CNKSR2: variants seen among roughly 807,000 people sequenced by gnomAD.
CNKSR2 encodes connector enhancer of kinase suppressor of Ras 2.
In CNKSR2, 14 loss-of-function variants were observed where a neutral mutation model predicts 84.4. That is an observed-to-expected ratio of 0.17 (90% CI 0.11 to 0.26). The LOEUF is 0.26. CNKSR2 is among the 10% of genes least tolerant of loss of function. CNKSR2 has a pLI of 1.00. For synonymous variants in CNKSR2, 275 were observed against 277.9 expected (o/e 0.99, Z 0.10); for missense variants, 485 against 771.2 (o/e 0.63, Z 4.40).
intron 13 of CNKSR2, among the ~76,000 whole-genome samples, chrX:21,564,084 C>T (rs1046942387): frequency 9.0e-6 from 1 of 111,019 alleles, no homozygotes; most frequent in Admixed American, 9.6e-5. Flanking sequence ...TATGCAGGTG[C>T]GCCACAAATG....
intron 3 of CNKSR2, among the ~76,000 whole-genome samples, chrX:21,434,995 C>A (rs762605304): frequency 5.6e-5 from 6 of 106,593 alleles, no homozygotes; most frequent in Non-Finnish European, 7.7e-5. Context: ...TTTTGTCTGA[C>A]ATTGAAGTCC....
At chrX:21,573,868 C>G (rs764930412) in intron 13 of CNKSR2, among the ~76,000 whole-genome samples, 4 of 112,204 alleles carry the variant, frequency 3.6e-5, no homozygotes, top group African/African-American at 1.3e-4. Context: ...ATGCAAATTT[C>G]TGCAGCAGGC....
intron 18 of CNKSR2, among the ~76,000 whole-genome samples, chrX:21,606,074 C>T (rs1214216394): frequency 8.9e-6 from 1 of 112,188 alleles, no homozygotes; most frequent in East Asian, 2.8e-4. Context: ...TCCCCTCCCT[C>T]TTGCCTGAGG....
At position 21,374,594 on chromosome X, in the gene CNKSR2, G is replaced by GGCAGCAGCA. The variant is rs3217648; in HGVS notation, c.-274_-266dup. On this transcript the variant is annotated 5_prime_UTR_variant, in exon 1 of 22. Coordinates refer to ENST00000379510, the MANE Select transcript of CNKSR2 (RefSeq NM_014927.5). Reference sequence around the variant, plus strand: ...ACGGAGACCGGAGCGGAGCGGCGGAGGCAGCAGCAGCAGCAGCAGCAGCAG... The same window carrying GGCAGCAGCA: ...ACGGAGACCGGAGCGGAGCGGCGGAGGCAGCAGCAGCAGCAGCAGCAGCAGCAGCAGCAG... 5.8e-3 allele frequency: 2,631 copies of GGCAGCAGCA among 455,009 alleles called. 196 individuals carry two copies. The highest frequency in any genetic ancestry group is 0.011 in the Middle Eastern group (19 of 1,685). The allele number at this position is 455,009 out of a possible 1,213,427, so 37.5% of individuals were successfully genotyped here.
rs140886223 is a variant in CNKSR2, at chrX:21,583,204, C to T, written c.1609-7368C>T. Among the ~76,000 whole-genome samples, 5 of 111,578 alleles carry T rather than the reference C, an allele frequency of 4.5e-5. No individual in the cohort carries two copies. In the East Asian group the frequency reaches 1.1e-3, roughly 25 times the overall value. The stretch of plus-strand genomic sequence containing the variant: ...TCATCCCACTCTAATGAAAGACCTA[C>T]GGTGTGTGCAGTGCCACATCCTTCA... On this transcript the variant is annotated intron_variant, in intron 13 of 21. Coordinates refer to ENST00000379510, the MANE Select transcript of CNKSR2 (RefSeq NM_014927.5).
intron 11 of CNKSR2, among the ~76,000 whole-genome samples, chrX:21,549,917 C>A (rs1236658528): frequency 2.7e-5 from 3 of 111,914 alleles, no homozygotes; most frequent in African/African-American, 6.5e-5. Flanking sequence ...GAAAAATTAA[C>A]TCAAGATGGA....
Position 21,609,502 on chromosome X carries a change from T to C in CNKSR2, c.2577T>C (p.Asn859=), listed in dbSNP as rs2092538288. The C allele has an allele frequency of 8.3e-7, 1 of 1,211,235 alleles. No individual in the cohort carries two copies. Among genetic ancestry groups the C allele is most frequent in the East Asian group, 3.0e-5 (1 of 33,826 alleles). The change falls in exon 20 of 22, where the codon AAT becomes AAC. Residue 859 remains asparagine, a synonymous_variant. Coordinates refer to ENST00000379510, the MANE Select transcript of CNKSR2 (RefSeq NM_014927.5). ...RDSGFNHCCL[N]APVSACDPQD... is the part of the protein sequence containing the mutation. ...GCGGGTTCAACCATTGCTGTCTGAA[T>C]GCTCCAGTTAGTGCCTGTGACCCAC... is the stretch of plus-strand genomic sequence containing the variant.
rs2147346563 is a variant in CNKSR2 at position 21,648,905 on chromosome X, C to T, written c.2767C>T (p.Pro923Ser). The T allele has an allele frequency of 8.3e-7, 1 of 1,197,921 alleles. No individual in the cohort carries two copies. Among genetic ancestry groups the T allele is most frequent in the Non-Finnish European group, 1.1e-6 (1 of 887,975 alleles). Reference sequence around the variant, plus strand: ...GGCACTGGAGCAGGCCAGTCTGTCACCACTAGGAGAACATCGTATTTCAAC... The same window carrying T: ...GGCACTGGAGCAGGCCAGTCTGTCATCACTAGGAGAACATCGTATTTCAAC... Reference protein sequence around the residue: ...YRALEQASLSPLGEHRISTKM... With the variant: ...YRALEQASLSSLGEHRISTKM... The change falls in exon 21 of 22, where the codon CCA (proline) becomes TCA (serine). Residue 923 changes from proline (P) to serine (S), a missense_variant. By Grantham distance (74) the Pro-to-Ser change is moderately conservative. Coordinates refer to ENST00000379510, the MANE Select transcript of CNKSR2 (RefSeq NM_014927.5).
chrX:21,426,733 C>T (rs2090569681), intron 2 of CNKSR2, 73 bp downstream of exon 2: 2 of 1,057,891 alleles, frequency 1.9e-6, no homozygotes, highest in East Asian at 3.8e-5. Flanking sequence ...TTTTTCTTCT[C>T]CTCTTTTGAT....
Position 21,432,196 on chromosome X carries a change from G to A in CNKSR2, c.229-416G>A, listed in dbSNP as rs774179803. Among the ~76,000 whole-genome samples, 5 of 111,327 alleles carry A rather than the reference G, an allele frequency of 4.5e-5. No individual in the cohort carries two copies. In the East Asian group the frequency reaches 1.1e-3, roughly 25 times the overall value. On this transcript the variant is annotated intron_variant, in intron 2 of 21. Transcript: ENST00000379510. ...TTATTTTCCTAACTTTGGGGAAGCA[G>A]AATTATCCCTAGTACCTACATTCCT...
chrX:21,472,976 A>G (rs1311579577), intron 5 of CNKSR2, among the ~76,000 whole-genome samples: 1 of 111,485 alleles, frequency 9.0e-6, no homozygotes, highest in Non-Finnish European at 1.9e-5. Context: ...AATATTTTTA[A>G]TTTTAAATAA....
chrX:21,606,765 C>G lies in CNKSR2; in HGVS notation c.2045-14C>G. On this transcript the variant is annotated splice_polypyrimidine_tract_variant and intron_variant, in intron 18 of 21. Coordinates refer to ENST00000379510, the MANE Select transcript of CNKSR2 (RefSeq NM_014927.5). The stretch of plus-strand genomic sequence containing the variant: ...TAGTAGAATGTTGACGTATCCATGT[C>G]TGTGAATTTTCAGATTACTGGAGTG... The G allele has an allele frequency of 9.5e-7, 1 of 1,050,899 alleles. No homozygotes were observed. Among genetic ancestry groups the G allele is most frequent in the Admixed American group, 2.3e-5 (1 of 44,244 alleles). The allele number at this position is 1,050,899 out of a possible 1,213,427, so 86.6% of individuals were successfully genotyped here.
At chrX:21,512,989 A>G (rs770900894) in intron 8 of CNKSR2, among the ~76,000 whole-genome samples, 4 of 112,156 alleles carry the variant, frequency 3.6e-5, no homozygotes, top group Non-Finnish European at 7.5e-5. Flanking sequence ...ATTGGGTTTA[A>G]TAGTTTACCT....
At chrX:21,616,564 G>A (rs1321151245) in intron 20 of CNKSR2, among the ~76,000 whole-genome samples, 1 of 111,757 alleles carries the variant, frequency 8.9e-6, no homozygotes, top group East Asian at 2.8e-4. Flanking sequence ...CACAAAGCTG[G>A]GATGCTGATA....
At chrX:21,651,885 A>C (rs906108616) in intron 21 of CNKSR2, among the ~76,000 whole-genome samples, 4 of 112,231 alleles carry the variant, frequency 3.6e-5, no homozygotes, top group Admixed American at 9.5e-5. Flanking sequence ...ACCATAAAGC[A>C]GGAGAAATAG....
intron 17 of CNKSR2, among the ~76,000 whole-genome samples, chrX:21,598,065 TACATAC>T (rs1175244566): frequency 2.7e-5 from 3 of 109,346 alleles, no homozygotes; most frequent in Non-Finnish European, 3.8e-5. Context: ...TATATGTGTA[TACATAC>T]ACATACACAT....
chrX:21,495,516 G>T (rs1207318265), intron 6 of CNKSR2: 1 of 109,374 alleles, frequency 9.1e-6, no homozygotes, highest in Non-Finnish European at 1.9e-5. Context: ...AGGCACCGTG[G>T]CTTATGTCTA....
rs2089781587 is a variant in CNKSR2, at chrX:21,374,775, T to G, written c.-123T>G. On this transcript the variant is annotated 5_prime_UTR_variant, in exon 1 of 22. Transcript: ENST00000379510. The stretch of plus-strand genomic sequence containing the variant: ...CGAGACCCGACACACAAAAGCCGCT[T>G]TCTCCGCGCCGCCCGCCCAGGGAGG... 1.3e-5 allele frequency: 8 copies of G among 610,320 alleles called. No individual in the cohort carries two copies. In the East Asian group the frequency reaches 2.8e-4, roughly 21 times the overall value. 50.3% of individuals were successfully genotyped at this position (610,320 alleles called of 1,213,427 possible).
chrX:21,450,195 A>G (rs2090909303), intron 4 of CNKSR2, among the ~76,000 whole-genome samples: 1 of 111,296 alleles, frequency 9.0e-6, no homozygotes, highest in African/African-American at 3.3e-5. Context: ...TTGTCCAAGC[A>G]CAAAATTCTG....
Sources: gnomAD v4.1 joint callset for allele counts (sites outside exome capture counted in the v4.1 genomes callset) on GRCh38, gnomAD v4.1.1 for gene constraint, MANE v1.5 for transcripts, NCBI Gene and HGNC (gene_info 2026-07-23, HGNC 2026-07-21) for gene names.